Variants in PAXIP1 observed in about 807,000 individuals in gnomAD.
PAXIP1 encodes PAX interacting protein 1, also known as PAX-interacting protein 1.
In PAXIP1, 19 loss-of-function variants were observed where a neutral mutation model predicts 140.6. The observed-to-expected ratio is 0.14, with a 90% CI of 0.09 to 0.20. The LOEUF (loss-of-function observed/expected upper bound fraction) is 0.20, where lower values mean the gene tolerates loss of function less well. Among genes scored for constraint, PAXIP1 ranks in the 10% least tolerant of loss-of-function variants. PAXIP1 has a pLI of 1.00. For synonymous variants in PAXIP1, 442 were observed against 444.6 expected (o/e 0.99, Z 0.07); for missense variants, 920 against 1,208.6 (o/e 0.76, Z 3.54).
At chr7:154,964,710 A>ACATT (rs2150753550) in intron 8 of PAXIP1, 1 of 152,272 alleles carries the variant, frequency 6.6e-6, no homozygotes, top group Non-Finnish European at 1.5e-5. Flanking sequence ...AATAACACAC[A>ACATT]CATTCTTCAA....
rs771963015 is a variant in PAXIP1 at position 154,954,342 on chromosome 7, C to T, written c.2734G>A (p.Val912Met). ...HLIASKVTRT[V>M]KFLTAISVVK... is the part of the protein sequence containing the mutation. ...ACAGAAATCGCCGTCAGGAACTTCA[C>T]GGTGCGAGTCACTTTGCTGGCAATG... is the stretch of plus-strand genomic sequence containing the variant. Residue 912 changes from valine (V) to methionine (M), a missense_variant, in exon 16 of 21, where the codon GTG becomes ATG. Val to Met is a conservative substitution (Grantham distance 21, BLOSUM62 1). Coordinates refer to ENST00000404141, the MANE Select transcript of PAXIP1 (RefSeq NM_007349.4). The surrounding 1 kb of genome is among the most constrained non-coding windows in gnomAD (Gnocchi z 5.1). The T allele has an allele frequency of 1.6e-5, 26 of 1,605,980 alleles. No individual in the cohort carries two copies. Among genetic ancestry groups the T allele is most frequent in the Admixed American group, 6.7e-5 (4 of 59,638 alleles).
In PAXIP1 at chr7:155,002,952, C is replaced by T. The variant is rs932243731; in HGVS notation, c.-23G>A. 11 of 1,182,702 alleles carry T rather than the reference C, an allele frequency of 9.3e-6. No homozygotes were observed. The highest frequency in any genetic ancestry group is 5.5e-5 in the East Asian group (1 of 18,250). 73.3% of individuals were successfully genotyped at this position (1,182,702 alleles called of 1,614,324 possible). On this transcript the variant is annotated 5_prime_UTR_variant, in exon 1 of 21. Coordinates refer to ENST00000404141, the MANE Select transcript of PAXIP1 (RefSeq NM_007349.4). Reference sequence around the variant, plus strand: ...CATGATCGCGGCGGCCCGGGAGGCTCCGCGGCGGCGCCCGGCCCCGCCCAC... The same window carrying T: ...CATGATCGCGGCGGCCCGGGAGGCTTCGCGGCGGCGCCCGGCCCCGCCCAC...
chr7:154,983,558 G>C, intron 4 of PAXIP1: 1 of 336,412 alleles, frequency 3.0e-6, no homozygotes, highest in East Asian at 5.6e-5. Flanking sequence ...TTTTTGCCTT[G>C]TCACCAAATG....
chr7:154,992,801 T>C (rs1810407513), intron 3 of PAXIP1, among the ~76,000 whole-genome samples: 1 of 152,058 alleles, frequency 6.6e-6, no homozygotes, highest in South Asian at 2.1e-4. Context: ...TGAGTTGGAG[T>C]TGCTAAAGTT....
chr7:155,002,752 G>C (rs944946700), intron 1 of PAXIP1, 97 bp downstream of exon 1: 5 of 649,992 alleles, frequency 7.7e-6, no homozygotes, highest in South Asian at 5.0e-5. Context: ...CTCTGCGCCC[G>C]GCGCGCGCCC....
rs954735123 is a variant in PAXIP1 at position 154,976,249 on chromosome 7, G to T, written c.521C>A (p.Thr174Asn). Residue 174 changes from threonine to asparagine, a missense_variant, in exon 6 of 21, where the codon ACC becomes AAC. Thr to Asn is a moderately conservative substitution (Grantham distance 65). Around this residue, in one of 5 missense-constraint regions of PAXIP1, gnomAD observed 419 missense variants for 514.7 expected, o/e 0.81. Transcript: ENST00000404141. ...ATGATAAAATGCTTCGTCCTTTTTG[G>T]TTTTCTCTGATACGCAATCCAGAAC... Reference protein sequence around the residue: ...DWVLDCVSEKTKKDEAFYHPR... With the variant: ...DWVLDCVSEKNKKDEAFYHPR... 6.2e-7 allele frequency: 1 copy of T among 1,613,700 alleles called. No individual in the cohort carries two copies. The highest frequency in any genetic ancestry group is 8.5e-7 in the Non-Finnish European group (1 of 1,179,816).
chr7:154,957,415 T>G, intron 13 of PAXIP1, 121 bp from the exon 14 acceptor site: 1 of 533,566 alleles, frequency 1.9e-6, no homozygotes, highest in African/African-American at 1.9e-5. Flanking sequence ...CATGTTCTTC[T>G]TCACCACATC....
chr7:154,960,849 G>A (rs1563366958), intron 12 of PAXIP1, 44 bp downstream of exon 12: 3 of 1,351,616 alleles, frequency 2.2e-6, no homozygotes, highest in Non-Finnish European at 3.0e-6. Context: ...TAATGCTAAT[G>A]ATTTTATTTA....
chr7:154,983,559 T>C (rs1168021280), intron 4 of PAXIP1: 3 of 340,572 alleles, frequency 8.8e-6, no homozygotes, highest in Non-Finnish European at 1.6e-5. Flanking sequence ...TTTTGCCTTG[T>C]CACCAAATGA....
At chr7:154,949,850 TAAGCC>T (rs1188550612) in intron 16 of PAXIP1, 1 of 152,102 alleles carries the variant, frequency 6.6e-6, no homozygotes, top group Non-Finnish European at 1.5e-5. Flanking sequence ...GAGGTTGTAG[TAAGCC>T]AATGGCACCA....
At chr7:154,994,562 G>GA (rs1354738621) in intron 2 of PAXIP1, among the ~76,000 whole-genome samples, 1 of 152,112 alleles carries the variant, frequency 6.6e-6, no homozygotes, top group African/African-American at 2.4e-5. Flanking sequence ...ATGTAACAAT[G>GA]AAAACGAGAA....
intron 6 of PAXIP1, among the ~76,000 whole-genome samples, chr7:154,974,870 C>T (rs951254873): frequency 5.3e-5 from 8 of 151,752 alleles, no homozygotes; most frequent in East Asian, 1.9e-4. Context: ...TAAGGCCATG[C>T]GTGGTGGCTC....
intron 5 of PAXIP1, among the ~76,000 whole-genome samples, chr7:154,979,995 AT>A (rs1181308051): frequency 6.6e-6 from 1 of 152,224 alleles, no homozygotes; most frequent in African/African-American, 2.4e-5. Flanking sequence ...ACTCCCCGAA[AT>A]TTTGGAAATT....
Position 154,968,446 on chromosome 7 carries a change from C to T in PAXIP1, c.1755G>A (p.Ser585=), listed in dbSNP as rs762398568. 45 of 1,526,796 alleles carry T rather than the reference C, an allele frequency of 2.9e-5. No homozygotes were observed. The highest frequency in any genetic ancestry group is 3.4e-4 in the Middle Eastern group (2 of 5,970). The allele number at this position is 1,526,796 out of a possible 1,614,324, so 94.6% of individuals were successfully genotyped here. A position where few individuals can be genotyped will look rare whatever the true frequency, so the allele number is the denominator to read the frequency against. ...QQQQQQQPPP[S]PQQHQLFGHD... ...GTCCAAAAAGCTGATGCTGCTGAGG[C>T]GATGGTGGTGGCTGCTGTTGCTGCT... The change falls in exon 7 of 21, where the codon TCG becomes TCA. Residue 585 remains serine (S), a synonymous_variant. Transcript: ENST00000404141.
At chr7:154,947,129 T>A (rs570447260) in intron 17 of PAXIP1, 1 of 222,968 alleles carries the variant, frequency 4.5e-6, no homozygotes, top group South Asian at 7.3e-5. Flanking sequence ...TCTATACAAT[T>A]TTAAATCAGC....
chr7:154,946,449 TTTAG>T lies in PAXIP1; in HGVS notation c.3134-28_3134-25del, dbSNP rs1453100606. 6.2e-7 allele frequency: 1 copy of T among 1,611,952 alleles called. No individual in the cohort carries two copies. The highest frequency in any genetic ancestry group is 1.7e-5 in the Admixed American group (1 of 60,016). Reference sequence around the variant, plus strand: ...ATCTGAACAGGGTGGAAACAGACACTTTAGTTAGAGATCCACTGCTGTGCGTGCA... The same window carrying T: ...ATCTGAACAGGGTGGAAACAGACACTTTAGAGATCCACTGCTGTGCGTGCA... On this transcript the variant is annotated intron_variant, in intron 19 of 20. Transcript: ENST00000404141. This position sits in a 1 kb window ranked among gnomAD's most constrained non-coding sequence, Gnocchi z 4.9.
rs200345216 is a variant in PAXIP1 at position 154,944,075 on chromosome 7, C to A, written c.*74G>T. The A allele has an allele frequency of 2.1e-6, 3 of 1,448,606 alleles. No homozygotes were observed. The Admixed American group carries it at 5.2e-5, about 25-fold the overall frequency. 89.7% of individuals were successfully genotyped at this position (1,448,606 alleles called of 1,614,324 possible). ...GGAAAACAAGAGCATGTGAAGGAAGCGCAGCAGCTCCTCGCCAGCCAGACA... is the reference window on the plus strand; with the variant it reads ...GGAAAACAAGAGCATGTGAAGGAAGAGCAGCAGCTCCTCGCCAGCCAGACA... On this transcript the variant is annotated 3_prime_UTR_variant, in exon 21 of 21. Coordinates refer to ENST00000404141, the MANE Select transcript of PAXIP1 (RefSeq NM_007349.4).
At position 155,003,039 on chromosome 7, in the gene PAXIP1, G is replaced by T; in HGVS notation, c.-110C>A. The T allele has an allele frequency of 3.8e-6, 1 of 261,914 alleles. No homozygotes were observed. Among genetic ancestry groups the T allele is most frequent in the Non-Finnish European group, 5.2e-6 (1 of 192,252 alleles). The allele number at this position is 261,914 out of a possible 1,614,324, so 16.2% of individuals were successfully genotyped here. ...ACTCGCCCCGCCAACGGCCCTGCCC[G>T]CGCAGCCCGGGCCCGGTCCTGCGAA... On this transcript the variant is annotated 5_prime_UTR_variant, in exon 1 of 21. Coordinates refer to ENST00000404141, the MANE Select transcript of PAXIP1 (RefSeq NM_007349.4).
At position 154,973,786 on chromosome 7, in the gene PAXIP1, C is replaced by G. The variant is rs1332273996; in HGVS notation, c.1074+1910G>C. On this transcript the variant is annotated intron_variant, in intron 6 of 20. Transcript: ENST00000404141. This position sits in a 1 kb window ranked among gnomAD's most constrained non-coding sequence, Gnocchi z 4.0. ...ATTTCCCCACTTCATCAACATCAAGCCTTTCCACTGAAAGTGGATGTGGAG... is the reference window on the plus strand; with the variant it reads ...ATTTCCCCACTTCATCAACATCAAGGCTTTCCACTGAAAGTGGATGTGGAG... Among the ~76,000 whole-genome samples the G allele has an allele frequency of 6.6e-6, 1 of 152,228 alleles. No individual in the cohort carries two copies. Among genetic ancestry groups the G allele is most frequent in the Non-Finnish European group, 1.5e-5 (1 of 68,034 alleles).
Sources: gnomAD v4.1 joint callset for allele counts (sites outside exome capture counted in the v4.1 genomes callset) on GRCh38, gnomAD v4.1.1 for gene constraint, gnomAD v4.1.1 regional missense constraint, Gnocchi (gnomAD v3.1) non-coding constraint, MANE v1.5 for transcripts, NCBI Gene and HGNC (gene_info 2026-07-23, HGNC 2026-07-21) for gene names.